The following HS2ST1 variants were observed in gnomAD, a reference collection of about 807,000 sequenced individuals.
HS2ST1 encodes the protein heparan sulfate 2-O-sulfotransferase 1.
HS2ST1 carries 18 observed loss-of-function variants against 42.9 expected under a neutral mutation model. The ratio of observed to expected loss-of-function variants is 0.42; its 90% CI spans 0.29 to 0.62. The LOEUF (loss-of-function observed/expected upper bound fraction) is 0.62, where lower values mean the gene tolerates loss of function less well. Ranked by LOEUF, HS2ST1 falls within the 20% of genes least tolerant of loss-of-function variation. HS2ST1 has a pLI of 0.21. For missense variants in HS2ST1, 334 were observed against 433.8 expected (o/e 0.77, Z 2.04); for synonymous variants, 146 against 152.9 (o/e 0.95, Z 0.33).
At chr1:87,077,596 T>G (rs1356561290) in intron 2 of HS2ST1, among the ~76,000 whole-genome samples, 1 of 152,246 alleles carries the variant, frequency 6.6e-6, no homozygotes, top group Admixed American at 6.5e-5. Flanking sequence ...CTAACTTATC[T>G]TATATATTGG....
intron 1 of HS2ST1, among the ~76,000 whole-genome samples, chr1:87,014,614 A>C (rs1345086300): frequency 6.6e-6 from 1 of 152,194 alleles, no homozygotes; most frequent in Admixed American, 6.5e-5. Context: ...AACCCTGACA[A>C]ATAGAGCTGG....
At chr1:86,950,476 C>T (rs950773902) in intron 1 of HS2ST1, among the ~76,000 whole-genome samples, 8 of 151,956 alleles carry the variant, frequency 5.3e-5, no homozygotes, top group African/African-American at 1.9e-4. Flanking sequence ...GACTGGAGGA[C>T]AAAACAGATC....
At chr1:87,046,061 C>T in intron 1 of HS2ST1, 1 of 665,722 alleles carries the variant, frequency 1.5e-6, no homozygotes, top group East Asian at 3.6e-5. Flanking sequence ...TGGTTGCCTA[C>T]CATGACAGCA....
intron 4 of HS2ST1, among the ~76,000 whole-genome samples, 175 bp downstream of exon 4, chr1:87,092,844 T>C (rs1465532350): frequency 2.0e-5 from 3 of 152,036 alleles, no homozygotes; most frequent in Admixed American, 6.6e-5. Context: ...GCTGATATAT[T>C]GTAATATACA....
intron 1 of HS2ST1, among the ~76,000 whole-genome samples, chr1:86,983,415 A>C (rs2102222499): frequency 6.6e-6 from 1 of 152,278 alleles, no homozygotes; most frequent in Middle Eastern, 3.4e-3. Flanking sequence ...TAGGAGAGAG[A>C]GTGCAGGGGA....
chr1:86,916,272 T>C (rs1158095606), intron 1 of HS2ST1, among the ~76,000 whole-genome samples: 2 of 152,210 alleles, frequency 1.3e-5, no homozygotes, highest in Admixed American at 6.5e-5. Flanking sequence ...AAGTGTTTTT[T>C]GCATACTCTC....
intron 2 of HS2ST1, among the ~76,000 whole-genome samples, chr1:87,077,395 G>A (rs527935699): frequency 2.4e-4 from 36 of 152,190 alleles, no homozygotes; most frequent in Middle Eastern, 3.4e-3. Context: ...TAAGGCCTCC[G>A]CACTTATCCT....
At chr1:87,099,959 G>A (rs374694720) in intron 5 of HS2ST1, among the ~76,000 whole-genome samples, 1 of 152,204 alleles carries the variant, frequency 6.6e-6, no homozygotes, top group African/African-American at 2.4e-5. Context: ...TGGTGCAAGG[G>A]GTGGGCTCCC....
chr1:87,007,970 A>T lies in HS2ST1; in HGVS notation c.125-64964A>T, dbSNP rs574321757. ...AAATTAAAGTAAAAGTTATTTTTTT[A>T]AAAAATTTTATTTGTAATTTTTGTG... is the stretch of plus-strand genomic sequence containing the variant. On this transcript the variant is annotated intron_variant, in intron 1 of 6. Transcript: ENST00000370550. Among the ~76,000 whole-genome samples the T allele has an allele frequency of 1.7e-3, 262 of 152,284 alleles. 1 individual carries two copies. Among genetic ancestry groups the T allele is most frequent in the African/African-American group, 5.3e-3 (219 of 41,570 alleles).
At chr1:87,029,763 T>C (rs1650182438) in intron 1 of HS2ST1, among the ~76,000 whole-genome samples, 1 of 152,048 alleles carries the variant, frequency 6.6e-6, no homozygotes, top group African/African-American at 2.4e-5. Context: ...GACAGGAGGA[T>C]GATGGTAGGG....
At chr1:86,947,323 G>A (rs1647371036) in intron 1 of HS2ST1, among the ~76,000 whole-genome samples, 1 of 152,218 alleles carries the variant, frequency 6.6e-6, no homozygotes, top group Non-Finnish European at 1.5e-5. Flanking sequence ...TTAGACCAAT[G>A]AGACCATTAT....
chr1:87,075,264 C>A (rs533600794), intron 2 of HS2ST1, among the ~76,000 whole-genome samples: 1 of 145,722 alleles, frequency 6.9e-6, no homozygotes, highest in African/African-American at 2.5e-5. Context: ...CTGCCTCCCA[C>A]GTTCAAGCAA....
chr1:86,968,897 T>C (rs1648147149), intron 1 of HS2ST1, among the ~76,000 whole-genome samples: 1 of 152,204 alleles, frequency 6.6e-6, no homozygotes, highest in Non-Finnish European at 1.5e-5. Flanking sequence ...CATATTTGTG[T>C]GGAGACATAA....
chr1:86,919,774 T>C (rs559282727), intron 1 of HS2ST1, among the ~76,000 whole-genome samples: 1 of 152,302 alleles, frequency 6.6e-6, no homozygotes, highest in Admixed American at 6.5e-5. Flanking sequence ...TTTTTGTTTT[T>C]AGTAACATAA....
At chr1:87,037,721 A>C (rs1182830571) in intron 1 of HS2ST1, among the ~76,000 whole-genome samples, 1 of 151,756 alleles carries the variant, frequency 6.6e-6, no homozygotes, top group African/African-American at 2.4e-5. Context: ...GTGTAACCAT[A>C]CATTTTTAAA....
intron 1 of HS2ST1, among the ~76,000 whole-genome samples, chr1:86,990,812 T>TTATATATA (rs57401994): frequency 0.026 from 267 of 10,274 alleles, 32 homozygotes; most frequent in Middle Eastern, 1. Context: ...CTGGCTAATT[T>TTATATATA]TATATATATA....
At chr1:86,935,297 TAAA>T (rs1015046134) in intron 1 of HS2ST1, among the ~76,000 whole-genome samples, 1 of 151,354 alleles carries the variant, frequency 6.6e-6, no homozygotes, top group Non-Finnish European at 1.5e-5. Flanking sequence ...GTTAAGTCAT[TAAA>T]AAAAAGAAGT....
intron 1 of HS2ST1, among the ~76,000 whole-genome samples, chr1:87,000,770 A>G (rs1315747161): frequency 1.3e-5 from 2 of 152,204 alleles, no homozygotes; most frequent in African/African-American, 2.4e-5. Flanking sequence ...TGCTTCAGCT[A>G]TGTAGCACAG....
At chr1:87,000,549 G>A (rs961790999) in intron 1 of HS2ST1, among the ~76,000 whole-genome samples, 1 of 152,172 alleles carries the variant, frequency 6.6e-6, no homozygotes, top group Admixed American at 6.5e-5. Context: ...GACTGCATGT[G>A]AATAGTTTTA....
Sources: gnomAD v4.1 joint callset for allele counts (sites outside exome capture counted in the v4.1 genomes callset) on GRCh38, gnomAD v4.1.1 for gene constraint, MANE v1.5 for transcripts, NCBI Gene and HGNC (gene_info 2026-07-23, HGNC 2026-07-21) for gene names.